LAPTM4B: variants seen among roughly 807,000 people sequenced by gnomAD.
LAPTM4B encodes lysosomal-associated transmembrane protein 4B.
A neutral mutation model predicts 28.5 loss-of-function variants in LAPTM4B; 26 were observed. The ratio of observed to expected loss-of-function variants is 0.91; its 90% CI spans 0.67 to 1.27. LAPTM4B has a LOEUF of 1.27. Ranked by LOEUF, LAPTM4B falls within the 50% of genes most tolerant of loss-of-function variation. The pLI, the probability that LAPTM4B is intolerant of heterozygous loss-of-function variation, is 0.00. For synonymous variants in LAPTM4B, 109 were observed against 106.4 expected (o/e 1.02, Z -0.15); for missense variants, 288 against 285.8 (o/e 1.01, Z -0.06).
intron 1 of LAPTM4B, among the ~76,000 whole-genome samples, chr8:97,781,450 G>A (rs1461117139): frequency 6.6e-6 from 1 of 150,450 alleles, no homozygotes; most frequent in African/African-American, 2.5e-5. Flanking sequence ...GCTAATTTTT[G>A]TTTTCCTAGT....
intron 5 of LAPTM4B, among the ~76,000 whole-genome samples, chr8:97,824,750 C>T (rs1403248464): frequency 6.6e-6 from 1 of 152,124 alleles, no homozygotes; most frequent in Admixed American, 6.6e-5. Context: ...TGTGCTTGTT[C>T]TTTCCAGACA....
chr8:97,822,345 C>G (rs1004012674), intron 5 of LAPTM4B, among the ~76,000 whole-genome samples: 1 of 151,904 alleles, frequency 6.6e-6, no homozygotes, highest in Non-Finnish European at 1.5e-5. Flanking sequence ...ATCTTACCTG[C>G]AGGAAGGTTA....
intron 2 of LAPTM4B, among the ~76,000 whole-genome samples, chr8:97,805,715 C>T (rs949235793): frequency 2.0e-5 from 3 of 152,134 alleles, no homozygotes; most frequent in Non-Finnish European, 4.4e-5. Flanking sequence ...CTACCCTGGG[C>T]CTTTTGGCCT....
At chr8:97,812,970 A>G (rs1224601242) in intron 2 of LAPTM4B, among the ~76,000 whole-genome samples, 1 of 152,196 alleles carries the variant, frequency 6.6e-6, no homozygotes, top group African/African-American at 2.4e-5. Context: ...ACATTTCCCT[A>G]CTTTGCCTAC....
chr8:97,831,610 G>A (rs1483491376), intron 6 of LAPTM4B, among the ~76,000 whole-genome samples: 2 of 152,168 alleles, frequency 1.3e-5, no homozygotes, highest in Non-Finnish European at 1.5e-5. Context: ...AAAGGATAGA[G>A]TGGGCTTGTG....
intron 1 of LAPTM4B, among the ~76,000 whole-genome samples, chr8:97,781,783 C>G (rs905832760): frequency 6.6e-6 from 1 of 152,142 alleles, no homozygotes; most frequent in Non-Finnish European, 1.5e-5. Flanking sequence ...TATCTAGCTT[C>G]TTTCACTTAG....
intron 1 of LAPTM4B, among the ~76,000 whole-genome samples, chr8:97,779,721 A>G (rs1816280144): frequency 6.6e-6 from 1 of 150,910 alleles, no homozygotes; most frequent in African/African-American, 2.4e-5. Flanking sequence ...GGAGGTGGAA[A>G]GTCCAGCCTG....
intron 6 of LAPTM4B, among the ~76,000 whole-genome samples, chr8:97,839,252 T>A (rs1342722039): frequency 6.6e-6 from 1 of 152,182 alleles, no homozygotes; most frequent in Non-Finnish European, 1.5e-5. Flanking sequence ...TGGAGTGCAA[T>A]GGCGCGATCT....
chr8:97,835,925 C>T (rs1817254469), intron 6 of LAPTM4B, among the ~76,000 whole-genome samples: 1 of 152,208 alleles, frequency 6.6e-6, no homozygotes, highest in Non-Finnish European at 1.5e-5. Flanking sequence ...GCACCACTTA[C>T]AAGATTAGCA....
In LAPTM4B at chr8:97,816,093, C is replaced by G; in HGVS notation, c.321C>G (p.Tyr107Ter). 6.2e-7 allele frequency: 1 copy of G among 1,613,604 alleles called. No individual in the cohort carries two copies. Among genetic ancestry groups the G allele is most frequent in the Non-Finnish European group, 8.5e-7 (1 of 1,179,780 alleles). ...RAAWIIPFFC[Y>*]QIFDFALNML... ...CCTGGATCATCCCATTCTTCTGTTA[C>G]CAGATCTTTGACTTTGCCCTGAACA... Residue 107 changes from tyrosine (Y) to a stop codon, truncating the protein, a stop_gained, in exon 4 of 7, where the codon TAC becomes TAG. Coordinates refer to ENST00000521545, the MANE Select transcript of LAPTM4B (RefSeq NM_018407.6). LOFTEE classifies it high-confidence loss of function.
chr8:97,851,457 C>T lies in LAPTM4B; in HGVS notation c.664C>T (p.Pro222Ser), dbSNP rs575198729. Residue 222 changes from proline to serine, a missense_variant, in exon 7 of 7, where the codon CCT becomes TCT. Physicochemically the swap from Pro to Ser is moderately conservative, Grantham distance 74. Transcript: ENST00000521545. ...TGGTGCTGCCAAGGAGCCACCGCCA[C>T]CTTACGTGTCTGCCTAAGCCTTCAA... ...VNGAAKEPPP[P>S]YVSA The T allele has an allele frequency of 6.2e-7, 1 of 1,614,024 alleles. No individual in the cohort carries two copies. Among genetic ancestry groups the T allele is most frequent in the African/African-American group, 1.3e-5 (1 of 75,034 alleles).
At chr8:97,847,204 G>C (rs893831084) in intron 6 of LAPTM4B, among the ~76,000 whole-genome samples, 2 of 152,178 alleles carry the variant, frequency 1.3e-5, no homozygotes, top group Non-Finnish European at 2.9e-5. Context: ...GAGTTCCACT[G>C]TCATTCAGCC....
chr8:97,778,110 G>GA (rs1391240832), intron 1 of LAPTM4B, among the ~76,000 whole-genome samples: 2 of 152,192 alleles, frequency 1.3e-5, no homozygotes, highest in Non-Finnish European at 2.9e-5. Context: ...GCTCTCTGTG[G>GA]AAAGTAGTTA....
chr8:97,792,736 C>T (rs1390435180), intron 1 of LAPTM4B, among the ~76,000 whole-genome samples: 4 of 152,052 alleles, frequency 2.6e-5, no homozygotes, highest in Non-Finnish European at 4.4e-5. Context: ...CCTGGCACCA[C>T]ACGTGGCTGT....
At chr8:97,794,976 T>C (rs563879124) in intron 1 of LAPTM4B, among the ~76,000 whole-genome samples, 180 of 152,366 alleles carry the variant, frequency 1.2e-3, no homozygotes, top group African/African-American at 4.0e-3. Flanking sequence ...CCTCCCAAAG[T>C]GCTGGGATTA....
intron 6 of LAPTM4B, among the ~76,000 whole-genome samples, chr8:97,850,465 G>GGTGTGTGTGTGTGTGT (rs761478917): frequency 5.3e-5 from 2 of 37,848 alleles, no homozygotes; most frequent in African/African-American, 2.0e-4. Flanking sequence ...GGAGAGGAGG[G>GGTGTGTGTGTGTGTGT]GTGTGTGTGT....
chr8:97,821,368 A>G (rs1319910209), intron 5 of LAPTM4B, among the ~76,000 whole-genome samples: 2 of 151,984 alleles, frequency 1.3e-5, no homozygotes. Flanking sequence ...ACCCAACACC[A>G]GGTCGTGGGG....
chr8:97,825,616 G>A (rs931268699), intron 6 of LAPTM4B, among the ~76,000 whole-genome samples: 2 of 152,208 alleles, frequency 1.3e-5, no homozygotes, highest in Non-Finnish European at 2.9e-5. Context: ...TGTATTCTTA[G>A]TAAAATAATT....
intron 6 of LAPTM4B, among the ~76,000 whole-genome samples, chr8:97,835,840 T>C (rs1026810018): frequency 6.6e-6 from 1 of 152,032 alleles, no homozygotes; most frequent in African/African-American, 2.4e-5. Flanking sequence ...ATCCTGTAGA[T>C]CAGGGGTCCC....
Sources: allele counts gnomAD v4.1 joint callset (sites outside exome capture counted in the v4.1 genomes callset), GRCh38; gene constraint gnomAD v4.1.1; transcripts MANE v1.5; gene names NCBI Gene and HGNC (gene_info 2026-07-23, HGNC 2026-07-21).